The following SCN8A variants were observed in gnomAD, a reference collection of about 807,000 sequenced individuals.
The protein encoded by SCN8A is sodium channel protein type 8 subunit alpha.
A neutral mutation model predicts 184.1 loss-of-function variants in SCN8A; 30 were observed. The ratio of observed to expected loss-of-function variants is 0.16; its 90% confidence interval spans 0.12 to 0.22. The LOEUF is 0.22. SCN8A is among the 10% of genes least tolerant of loss of function. The pLI is 1.00. For synonymous variants in SCN8A, 852 were observed against 907.0 expected, an observed-to-expected ratio of 0.94 and a Z score of 1.09; for missense variants, 1,057 against 2,498.9, an observed-to-expected ratio of 0.42 and a Z score of 12.30.
chr12:51,721,491 C>G, intron 11 of SCN8A, 55 bp from the exon 12 acceptor site: 2 of 1,514,604 alleles, frequency 1.3e-6, no homozygotes, highest in African/African-American at 2.7e-5. Flanking sequence ...GTATAAAGGT[C>G]CACACTCCCG....
chr12:51,772,572 G>A (rs1356443599), intron 19 of SCN8A, among the ~76,000 whole-genome samples: 1 of 152,090 alleles, frequency 6.6e-6, no homozygotes, highest in Non-Finnish European at 1.5e-5. Flanking sequence ...ATGGGGTTAA[G>A]GGGAAACCTG....
Position 51,713,362 on chromosome 12 carries a change from G to A in SCN8A, c.1635+6647G>A, listed in dbSNP as rs528254804. On this transcript the variant is annotated intron_variant, in intron 11 of 26. Coordinates refer to ENST00000627620, the MANE Select transcript of SCN8A (RefSeq NM_001330260.2). ...ATCCACCTCTTCAACACAAGAATAA[G>A]TCACAAAACCAAAGCCCCTGGACCA... The A allele has an allele frequency of 4.9e-4, 508 of 1,028,566 alleles. 1 individual carries two copies. The highest frequency in any genetic ancestry group is 1.2e-3 in the Middle Eastern group (6 of 4,930). The allele number at this position is 1,028,566 out of a possible 1,614,324, so 63.7% of individuals were successfully genotyped here.
chr12:51,679,819 G>T (rs1941297649), intron 2 of SCN8A, among the ~76,000 whole-genome samples: 1 of 146,072 alleles, frequency 6.8e-6, no homozygotes. Flanking sequence ...TTTGCCTCCT[G>T]GGTTCAAGCG....
chr12:51,704,762 C>G (rs1030871046), intron 9 of SCN8A, among the ~76,000 whole-genome samples: 5 of 151,060 alleles, frequency 3.3e-5, no homozygotes, highest in African/African-American at 1.2e-4. Context: ...ATCATGAGGT[C>G]AGGAGCTCAA....
intron 1 of SCN8A, among the ~76,000 whole-genome samples, chr12:51,615,726 A>G (rs935951441): frequency 1.3e-5 from 2 of 151,566 alleles, no homozygotes; most frequent in African/African-American, 2.4e-5. Flanking sequence ...TTTAAAAATT[A>G]TTTTTTGTGG....
At chr12:51,679,399 A>G (rs1009266046) in intron 2 of SCN8A, among the ~76,000 whole-genome samples, 2 of 152,194 alleles carry the variant, frequency 1.3e-5, no homozygotes, top group African/African-American at 2.4e-5. Context: ...AGTAGTTTAC[A>G]TTCTTAAATG....
intron 2 of SCN8A, among the ~76,000 whole-genome samples, chr12:51,671,834 C>T (rs1327209400): frequency 6.6e-6 from 1 of 152,170 alleles, no homozygotes; most frequent in African/African-American, 2.4e-5. Flanking sequence ...TTTCTGCTAA[C>T]TCTGATTTTA....
chr12:51,601,038 T>G (rs1222563975), intron 1 of SCN8A, among the ~76,000 whole-genome samples: 1 of 152,214 alleles, frequency 6.6e-6, no homozygotes, highest in African/African-American at 2.4e-5. Flanking sequence ...TATTAGGAGA[T>G]TCTCTGTGCA....
chr12:51,709,479 G>A (rs1037726699), intron 11 of SCN8A, among the ~76,000 whole-genome samples: 1 of 152,186 alleles, frequency 6.6e-6, no homozygotes, highest in African/African-American at 2.4e-5. Context: ...GGAGAGTAGC[G>A]ATGTTGGAGA....
intron 13 of SCN8A, among the ~76,000 whole-genome samples, chr12:51,747,081 C>CTGTGTGTGTGTG (rs1328800141): frequency 1.3e-4 from 12 of 90,628 alleles, no homozygotes; most frequent in African/African-American, 4.2e-4. Context: ...CACTTCTACT[C>CTGTGTGTGTGTG]TGTGTGTATG....
At chr12:51,619,650 A>T (rs1939919015) in intron 1 of SCN8A, among the ~76,000 whole-genome samples, 1 of 152,204 alleles carries the variant, frequency 6.6e-6, no homozygotes, top group Admixed American at 6.5e-5. Flanking sequence ...TACCAAAATT[A>T]TGTGGAAAAA....
At chr12:51,800,891 GT>G (rs995667602) in intron 26 of SCN8A, among the ~76,000 whole-genome samples, 10 of 152,208 alleles carry the variant, frequency 6.6e-5, no homozygotes, top group African/African-American at 2.4e-4. Flanking sequence ...TGTCAGTAGT[GT>G]AGTGGGGTCC....
chr12:51,626,361 GA>G (rs1338515183), intron 1 of SCN8A, among the ~76,000 whole-genome samples: 1 of 152,164 alleles, frequency 6.6e-6, no homozygotes, highest in East Asian at 1.9e-4. Context: ...ATGCCAGATA[GA>G]CAAATACAGA....
chr12:51,684,339 G>T (rs761135219), intron 3 of SCN8A, 47 bp downstream of exon 3: 1 of 909,556 alleles, frequency 1.1e-6, no homozygotes, highest in East Asian at 2.4e-5. Context: ...TTGCATGGTT[G>T]CTTGTTTACC....
chr12:51,711,523 A>AGT (rs1183704505), intron 11 of SCN8A, among the ~76,000 whole-genome samples: 1 of 152,214 alleles, frequency 6.6e-6, no homozygotes, highest in Non-Finnish European at 1.5e-5. Context: ...ATAACTAGTA[A>AGT]GTGTTCAAGC....
In SCN8A at chr12:51,592,793, A is replaced by G. The variant is rs118082806; in HGVS notation, c.-55+1434A>G. ...AAGTTTGAACCTGGAGAGCCTTTAG[A>G]GAGAGGTAGCAGTGTGTTAGGGCTG... On this transcript the variant is annotated intron_variant, in intron 1 of 26. Transcript: ENST00000627620. Among the ~76,000 whole-genome samples, 20 of 152,066 alleles carry G rather than the reference A, an allele frequency of 1.3e-4. No homozygotes were observed. The East Asian group carries it at 3.9e-3, about 29-fold the overall frequency.
intron 11 of SCN8A, 26 bp from the exon 12 acceptor site, chr12:51,721,520 C>G (rs1430303997): frequency 6.4e-7 from 1 of 1,569,954 alleles, no homozygotes; most frequent in African/African-American, 1.4e-5. Context: ...CCCCGTCCCT[C>G]TCTCTTTCCC....
chr12:51,650,594 C>T (rs1940689827), intron 1 of SCN8A, among the ~76,000 whole-genome samples: 1 of 151,702 alleles, frequency 6.6e-6, no homozygotes, highest in Non-Finnish European at 1.5e-5. Flanking sequence ...GAGCAGGCCC[C>T]CCAAAATCTG....
chr12:51,677,206 C>T (rs55797650), intron 2 of SCN8A, among the ~76,000 whole-genome samples: 2,040 of 152,044 alleles, frequency 0.013, 18 homozygotes, highest in Non-Finnish European at 0.023. Context: ...ACCTCAGCTT[C>T]CTAAGTAAGC....
Sources: gnomAD v4.1 joint callset for allele counts (sites outside exome capture counted in the v4.1 genomes callset) on GRCh38, gnomAD v4.1.1 for gene constraint, MANE v1.5 for transcripts, NCBI Gene and HGNC (gene_info 2026-07-23, HGNC 2026-07-21) for gene names.